NHSL2: variants seen among roughly 807,000 people sequenced by gnomAD.
The protein encoded by NHSL2 is NHS like 2.
A neutral mutation model predicts 53.4 loss-of-function variants in NHSL2; 27 were observed. The ratio of observed to expected loss-of-function variants is 0.51; its 90% CI spans 0.37 to 0.70. The LOEUF (loss-of-function observed/expected upper bound fraction) is 0.70, where lower values mean the gene tolerates loss of function less well. Ranked by LOEUF, NHSL2 falls within the 30% of genes least tolerant of loss-of-function variation. The pLI is 0.00. For missense variants in NHSL2, 892 were observed against 980.1 expected, an observed-to-expected ratio of 0.91 and a Z score of 1.20; for synonymous variants, 408 against 404.1, an observed-to-expected ratio of 1.01 and a Z score of -0.12.
chrX:72,042,435 T>C (rs943068856), intron 1 of NHSL2, among the ~76,000 whole-genome samples: 24 of 111,797 alleles, frequency 2.1e-4, no homozygotes, highest in African/African-American at 6.8e-4. Context: ...AGTCACCAGC[T>C]AAGTTTCTGG....
At chrX:72,016,155 G>A (rs1342161073) in intron 1 of NHSL2, among the ~76,000 whole-genome samples, 4 of 112,409 alleles carry the variant, frequency 3.6e-5, no homozygotes, top group African/African-American at 1.3e-4. Flanking sequence ...GAATATGTGT[G>A]TGTATAGTAT....
intron 1 of NHSL2, among the ~76,000 whole-genome samples, chrX:71,914,064 A>G (rs781767962): frequency 1.1e-4 from 12 of 112,248 alleles, no homozygotes; most frequent in Non-Finnish European, 1.9e-4. Flanking sequence ...TGTAACTGGT[A>G]TGGTGTGGGA....
At position 71,937,505 on chromosome X, in the gene NHSL2, G is replaced by GT. The variant is rs2041745004; in HGVS notation, c.280+26144dup. Among the ~76,000 whole-genome samples the GT allele has an allele frequency of 5.3e-5, 6 of 112,220 alleles. No individual in the cohort carries two copies. The South Asian group carries it at 2.2e-3, about 42-fold the overall frequency. On this transcript the variant is annotated intron_variant, in intron 1 of 7. Coordinates refer to ENST00000633930, the MANE Select transcript of NHSL2 (RefSeq NM_001013627.3). ...ATAATCATCACGTTTGTAGCCAAGT[G>GT]TTTTTTGCCTCATTTGTTAATGTAA...
At chrX:71,972,866 TTGTGTGTGTG>T (rs372160139) in intron 1 of NHSL2, among the ~76,000 whole-genome samples, 1 of 93,799 alleles carries the variant, frequency 1.1e-5, no homozygotes, top group Non-Finnish European at 2.1e-5. Flanking sequence ...ATCTTTATTG[TTGTGTGTGTG>T]TGTGTGTGTG....
intron 1 of NHSL2, among the ~76,000 whole-genome samples, chrX:71,981,924 G>A (rs2041981244): frequency 8.9e-6 from 1 of 111,906 alleles, no homozygotes; most frequent in African/African-American, 3.3e-5. Flanking sequence ...TTACACAAAA[G>A]GTTAAACATA....
chrX:72,069,358 G>A (rs1271320516), intron 1 of NHSL2, among the ~76,000 whole-genome samples: 2 of 105,146 alleles, frequency 1.9e-5, no homozygotes, highest in Non-Finnish European at 3.9e-5. Context: ...TGGGCTGCTC[G>A]ACCCGAGTGG....
Position 72,144,375 on chromosome X carries a change from G to C in NHSL2, c.*801G>C, listed in dbSNP as rs73565846. 1 of 381,562 alleles carries C rather than the reference G, an allele frequency of 2.6e-6. No homozygotes were observed. The highest frequency in any genetic ancestry group is 8.2e-5 in the East Asian group (1 of 12,205). 31.4% of individuals were successfully genotyped at this position (381,562 alleles called of 1,213,427 possible). Reference sequence around the variant, plus strand: ...CAGATCTAGCCGAGGTAACTCACAAGTGCACCTTGAGATCCTCCATGTGTC... The same window carrying C: ...CAGATCTAGCCGAGGTAACTCACAACTGCACCTTGAGATCCTCCATGTGTC... On this transcript the variant is annotated 3_prime_UTR_variant, in exon 8 of 8. Coordinates refer to ENST00000633930, the MANE Select transcript of NHSL2 (RefSeq NM_001013627.3).
intron 1 of NHSL2, among the ~76,000 whole-genome samples, chrX:71,964,003 A>ATGTATG (rs1417158811): frequency 1.7e-4 from 1 of 5,928 alleles, no homozygotes; most frequent in African/African-American, 3.1e-4. Flanking sequence ...GTATATACAT[A>ATGTATG]TATATATGTA....
intron 1 of NHSL2, among the ~76,000 whole-genome samples, chrX:71,982,459 TG>T (rs1224354219): frequency 1.8e-5 from 2 of 112,114 alleles, no homozygotes; most frequent in African/African-American, 6.5e-5. Flanking sequence ...GATGTCTTTT[TG>T]TATGCCTATG....
At chrX:72,035,436 T>C (rs921443400) in intron 1 of NHSL2, among the ~76,000 whole-genome samples, 2 of 112,053 alleles carry the variant, frequency 1.8e-5, no homozygotes, top group Admixed American at 9.4e-5. Context: ...GTCTAGTATG[T>C]CTATCAATTA....
intron 1 of NHSL2, among the ~76,000 whole-genome samples, chrX:71,931,713 A>T (rs772643922): frequency 1.8e-5 from 2 of 112,848 alleles, no homozygotes; most frequent in South Asian, 7.2e-4. Context: ...CAATTCTATT[A>T]CTTTGATCTA....
intron 1 of NHSL2, among the ~76,000 whole-genome samples, chrX:72,068,738 C>T (rs754778024): frequency 8.9e-6 from 1 of 111,844 alleles, no homozygotes; most frequent in Admixed American, 9.4e-5. Context: ...AAGGAGCCCT[C>T]TCATTGGCTG....
intron 1 of NHSL2, among the ~76,000 whole-genome samples, chrX:72,028,241 C>T (rs1052931810): frequency 6.3e-5 from 7 of 111,805 alleles, no homozygotes; most frequent in African/African-American, 2.3e-4. Flanking sequence ...ACAAGCAAGG[C>T]TTTTAGCTTT....
chrX:71,992,791 C>T (rs2042033305), intron 1 of NHSL2, among the ~76,000 whole-genome samples: 2 of 112,035 alleles, frequency 1.8e-5, no homozygotes, highest in Non-Finnish European at 3.8e-5. Flanking sequence ...ACAGCACAGT[C>T]GCTGAAGGGC....
At chrX:72,142,429 G>T in intron 7 of NHSL2, 65 bp downstream of exon 7, 2 of 835,701 alleles carry the variant, frequency 2.4e-6, no homozygotes, top group South Asian at 6.2e-5. Context: ...AAGAAAACCT[G>T]CTATTCCACA....
rs376371890 is a variant in NHSL2, at chrX:72,144,620, T to C, written c.*1046T>C. On this transcript the variant is annotated 3_prime_UTR_variant, in exon 8 of 8. Coordinates refer to ENST00000633930, the MANE Select transcript of NHSL2 (RefSeq NM_001013627.3). ...GTTTTGTTTAAAGGAAGTCCGACTC[T>C]GTTCCAAAAACCAAGAACATATAAA... is the stretch of plus-strand genomic sequence containing the variant. 30 of 848,036 alleles carry C rather than the reference T, an allele frequency of 3.5e-5. No individual in the cohort carries two copies. Among genetic ancestry groups the C allele is most frequent in the Non-Finnish European group, 4.8e-5 (30 of 619,126 alleles). 69.9% of individuals were successfully genotyped at this position (848,036 alleles called of 1,213,427 possible).
At position 71,970,931 on chromosome X, in the gene NHSL2, C is replaced by T. The variant is rs191865218; in HGVS notation, c.280+59564C>T. On this transcript the variant is annotated intron_variant, in intron 1 of 7. Coordinates refer to ENST00000633930, the MANE Select transcript of NHSL2 (RefSeq NM_001013627.3). ...CCTAGTAGTTAGGACTACAGGTGTG[C>T]GCCACCATGCTGGGTTAATTTTTTA... Among the ~76,000 whole-genome samples, 631 of 111,025 alleles carry T rather than the reference C, an allele frequency of 5.7e-3. 3 individuals carry two copies. The highest frequency in any genetic ancestry group is 0.019 in the African/African-American group (584 of 30,601).
chrX:71,959,907 C>T (rs1488565872), intron 1 of NHSL2, among the ~76,000 whole-genome samples: 2 of 111,206 alleles, frequency 1.8e-5, no homozygotes, highest in Non-Finnish European at 3.8e-5. Flanking sequence ...AGTATTTTTG[C>T]GGAGCCTAGG....
chrX:72,000,682 A>G (rs2042068776), intron 1 of NHSL2, among the ~76,000 whole-genome samples: 1 of 111,153 alleles, frequency 9.0e-6, no homozygotes. Flanking sequence ...AGTCTTTCTC[A>G]CATCCCATCA....
Sources: gnomAD v4.1 joint callset for allele counts (sites outside exome capture counted in the v4.1 genomes callset) on GRCh38, gnomAD v4.1.1 for gene constraint, MANE v1.5 for transcripts, NCBI Gene and HGNC (gene_info 2026-07-23, HGNC 2026-07-21) for gene names.